The following ITSN2 variants were observed in gnomAD, a reference collection of about 807,000 sequenced individuals.
ITSN2 encodes the protein intersectin-2.
A neutral mutation model predicts 243.7 loss-of-function variants in ITSN2; 156 were observed. The ratio of observed to expected loss-of-function variants is 0.64; its 90% CI spans 0.56 to 0.73. ITSN2 has a LOEUF of 0.73. Among genes scored for constraint, ITSN2 ranks in the 30% least tolerant of loss-of-function variants. The probability of loss-of-function intolerance (pLI) is 0.00; values close to 1 mark genes in which losing one functional copy is unlikely to be tolerated. For synonymous variants in ITSN2, 703 were observed against 699.9 expected, an observed-to-expected ratio of 1.00 and a Z score of -0.07; for missense variants, 1,801 against 1,996.1, an observed-to-expected ratio of 0.90 and a Z score of 1.86.
chr2:24,221,199 A>G, intron 29 of ITSN2, 133 bp from the exon 30 acceptor site: 1 of 955,464 alleles, frequency 1.0e-6, no homozygotes, highest in Non-Finnish European at 1.6e-6. Context: ...GGACGCTGCT[A>G]ACTTCTGCAG....
At chr2:24,242,689 C>G (rs528502101) in intron 29 of ITSN2, among the ~76,000 whole-genome samples, 11 of 152,208 alleles carry the variant, frequency 7.2e-5, no homozygotes, top group African/African-American at 2.4e-4. Flanking sequence ...GCCTCACTTT[C>G]CTAGATAATT....
chr2:24,211,522 A>C lies in ITSN2; in HGVS notation c.4090-575T>G, dbSNP rs1204800771. Among the ~76,000 whole-genome samples, 3 of 152,222 alleles carry C rather than the reference A, an allele frequency of 2.0e-5. No individual in the cohort carries two copies. The highest frequency in any genetic ancestry group is 7.2e-5 in the African/African-American group (3 of 41,464). ...CAACTGTGAACGCGCAGAGGCCAGAATACAAACGTGTGTGGTCCCTCCAGA... is the reference window on the plus strand; with the variant it reads ...CAACTGTGAACGCGCAGAGGCCAGACTACAAACGTGTGTGGTCCCTCCAGA... On this transcript the variant is annotated intron_variant, in intron 33 of 39. Transcript: ENST00000355123. The surrounding 1 kb of genome is among the most constrained non-coding windows in gnomAD (Gnocchi z 4.1).
intron 31 of ITSN2, among the ~76,000 whole-genome samples, chr2:24,217,397 G>A (rs1670067502): frequency 6.6e-6 from 1 of 152,156 alleles, no homozygotes; most frequent in Non-Finnish European, 1.5e-5. Flanking sequence ...AGAAAAAAGG[G>A]AGCAGGAGCT....
chr2:24,222,505 C>A (rs1489699344), intron 29 of ITSN2, among the ~76,000 whole-genome samples: 1 of 152,014 alleles, frequency 6.6e-6, no homozygotes, highest in Non-Finnish European at 1.5e-5. Flanking sequence ...CAACCTCGGA[C>A]AAGTGCCACC....
Position 24,258,015 on chromosome 2 carries a change from T to C in ITSN2, c.2761A>G (p.Lys921Glu). ...AKKDNHLNFS[K>E]HDIITVLEQQ... The stretch of plus-strand genomic sequence containing the variant: ...TCCAAGACAGTAATAATGTCATGTT[T>C]TGAGAAGTTCAAGTGGTTATCTTTC... The change falls in exon 23 of 40, where the codon AAA (lysine) becomes GAA (glutamate). Residue 921 changes from lysine (K) to glutamate (E), a missense_variant. Coordinates refer to ENST00000355123, the MANE Select transcript of ITSN2 (RefSeq NM_006277.3). 1 of 1,614,126 alleles carries C rather than the reference T, an allele frequency of 6.2e-7. No homozygotes were observed. Among genetic ancestry groups the C allele is most frequent in the Non-Finnish European group, 8.5e-7 (1 of 1,179,980 alleles).
At chr2:24,224,869 C>T (rs1442381358) in intron 29 of ITSN2, among the ~76,000 whole-genome samples, 1 of 152,152 alleles carries the variant, frequency 6.6e-6, no homozygotes, top group Non-Finnish European at 1.5e-5. Context: ...GCCTCAAGTG[C>T]TCTGCCCATC....
At chr2:24,219,759 C>T (rs2151141320) in intron 30 of ITSN2, among the ~76,000 whole-genome samples, 1 of 152,316 alleles carries the variant, frequency 6.6e-6, no homozygotes, top group Non-Finnish European at 1.5e-5. Context: ...ACCTCCACAC[C>T]TACTTACAGT....
chr2:24,356,128 G>A (rs1409139792), intron 1 of ITSN2, among the ~76,000 whole-genome samples: 8 of 151,870 alleles, frequency 5.3e-5, no homozygotes, highest in South Asian at 4.1e-4. Flanking sequence ...CTTGAACCCC[G>A]GAGGCTGAGG....
chr2:24,347,547 G>A lies in ITSN2; in HGVS notation c.-34+12757C>T, dbSNP rs145707715. Among the ~76,000 whole-genome samples the A allele has an allele frequency of 1.5e-3, 229 of 152,244 alleles. 5 individuals carry two copies. In the East Asian group the frequency reaches 0.039, roughly 26 times the overall value. ...GCTAAAAATACAAAATTAGCCATGCGTGGTGGCACATGCCTGTAATCCCAG... is the reference window on the plus strand; with the variant it reads ...GCTAAAAATACAAAATTAGCCATGCATGGTGGCACATGCCTGTAATCCCAG... On this transcript the variant is annotated intron_variant, in intron 1 of 39. Transcript: ENST00000355123.
In ITSN2 at chr2:24,218,580, TTGTG is replaced by T. The variant is rs1032256179; in HGVS notation, c.3700-571_3700-568del. 2.3e-4 allele frequency among the ~76,000 whole-genome samples: 35 copies of T among 152,236 alleles called. No individual in the cohort carries two copies. In the East Asian group the frequency reaches 2.5e-3, roughly 11 times the overall value. On this transcript the variant is annotated intron_variant, in intron 30 of 39. Transcript: ENST00000355123. Reference sequence around the variant, plus strand: ...CTGATATGTACAAATATGCAGATGCTTGTGTGTGTGTACACACACGCGTGTGTGT... The same window carrying T: ...CTGATATGTACAAATATGCAGATGCTTGTGTGTACACACACGCGTGTGTGT...
chr2:24,216,177 C>T lies in ITSN2; in HGVS notation c.3862G>A (p.Gly1288Arg), dbSNP rs780374729. Reference sequence around the variant, plus strand: ...GACAGCTCAGCGGCCAGGATGTCCCCAATCATCTGCACCGGCATCTTCTCG... The same window carrying T: ...GACAGCTCAGCGGCCAGGATGTCCCTAATCATCTGCACCGGCATCTTCTCG... Reference protein sequence around the residue: ...GGEKMPVQMIGDILAAELSHM... With the variant: ...GGEKMPVQMIRDILAAELSHM... The change falls in exon 32 of 40, where the codon GGG becomes AGG. Residue 1288 changes from glycine to arginine, a missense_variant. By Grantham distance (125) the Gly-to-Arg change is moderately radical. Around this residue, in one of 5 missense-constraint regions of ITSN2, gnomAD observed 928 missense variants for 1,065.4 expected, o/e 0.87. Transcript: ENST00000355123. The T allele has an allele frequency of 5.6e-6, 9 of 1,611,576 alleles. No individual in the cohort carries two copies. The highest frequency in any genetic ancestry group is 7.6e-6 in the Non-Finnish European group (9 of 1,178,842).
chr2:24,315,856 G>T (rs1359030712), intron 2 of ITSN2, among the ~76,000 whole-genome samples: 1 of 152,206 alleles, frequency 6.6e-6, no homozygotes, highest in Non-Finnish European at 1.5e-5. Flanking sequence ...CTCCAGCCAT[G>T]TGGAACTGTG....
Position 24,225,645 on chromosome 2 carries a change from A to C in ITSN2, c.3578-4579T>G, listed in dbSNP as rs1368898075. Among the ~76,000 whole-genome samples, 2 of 152,096 alleles carry C rather than the reference A, an allele frequency of 1.3e-5. No homozygotes were observed. Among genetic ancestry groups the C allele is most frequent in the African/African-American group, 4.8e-5 (2 of 41,416 alleles). On this transcript the variant is annotated intron_variant, in intron 29 of 39. Coordinates refer to ENST00000355123, the MANE Select transcript of ITSN2 (RefSeq NM_006277.3). This position sits in a 1 kb window ranked among gnomAD's most constrained non-coding sequence, Gnocchi z 4.2. ...TGCTCCCCCCAGTCCAGCAAATGCC[A>C]AAATAGGCTCCTGATGCTCCTGTCC...
intron 2 of ITSN2, among the ~76,000 whole-genome samples, chr2:24,326,979 C>CT (rs1410856837): frequency 6.6e-6 from 1 of 152,034 alleles, no homozygotes; most frequent in Non-Finnish European, 1.5e-5. Flanking sequence ...TTCTTCCCTC[C>CT]TTTTTTTAAA....
intron 30 of ITSN2, chr2:24,220,393 T>G: frequency 1.0e-6 from 1 of 984,004 alleles, no homozygotes; most frequent in Non-Finnish European, 1.2e-6. Context: ...TAAGGATAGC[T>G]GTCATCAGCG....
At chr2:24,319,205 T>C (rs1684271601) in intron 2 of ITSN2, among the ~76,000 whole-genome samples, 1 of 152,190 alleles carries the variant, frequency 6.6e-6, no homozygotes, top group Non-Finnish European at 1.5e-5. Flanking sequence ...CATCTAACTC[T>C]TCTGGATCAC....
chr2:24,349,024 C>T (rs1350746814), intron 1 of ITSN2, among the ~76,000 whole-genome samples: 1 of 152,114 alleles, frequency 6.6e-6, no homozygotes, highest in Non-Finnish European at 1.5e-5. Flanking sequence ...CCCAGCACTG[C>T]TGGAGGCCAA....
intron 37 of ITSN2, chr2:24,206,392 G>A: frequency 4.2e-6 from 1 of 240,628 alleles, no homozygotes; most frequent in Admixed American, 6.5e-5. Flanking sequence ...TGGAGATGCA[G>A]GGGGCCGGCG....
At chr2:24,244,217 T>TA (rs1256502694) in intron 29 of ITSN2, among the ~76,000 whole-genome samples, 1 of 152,198 alleles carries the variant, frequency 6.6e-6, no homozygotes, top group Non-Finnish European at 1.5e-5. Context: ...CTTTTTGGAA[T>TA]AAAAAATTGT....
Sources: allele counts gnomAD v4.1 joint callset (sites outside exome capture counted in the v4.1 genomes callset), GRCh38; gene constraint gnomAD v4.1.1; regional missense constraint gnomAD v4.1.1; non-coding constraint Gnocchi (gnomAD v3.1); transcripts MANE v1.5; gene names NCBI Gene and HGNC (gene_info 2026-07-23, HGNC 2026-07-21).